The following IPO11 variants were observed in gnomAD, a reference collection of about 807,000 sequenced individuals.
IPO11 encodes importin 11.
IPO11 carries 66 observed loss-of-function variants against 143.2 expected under a neutral mutation model. That is an observed-to-expected ratio of 0.46 (90% CI 0.38 to 0.57). The LOEUF is 0.57. Among genes scored for constraint, IPO11 ranks in the 20% least tolerant of loss-of-function variants. IPO11 has a pLI of 0.00. For synonymous variants in IPO11, 385 were observed against 377.8 expected, an observed-to-expected ratio of 1.02 and a Z score of -0.22; for missense variants, 1,026 against 1,141.0, an observed-to-expected ratio of 0.90 and a Z score of 1.45.
chr5:62,497,255 AT>A (rs1285415765), intron 16 of IPO11, among the ~76,000 whole-genome samples: 1 of 152,172 alleles, frequency 6.6e-6, no homozygotes, highest in East Asian at 1.9e-4. Flanking sequence ...ATAGGCAAGA[AT>A]TTTGTCAATA....
chr5:62,586,766 A>ATAT (rs1474461126), intron 27 of IPO11, among the ~76,000 whole-genome samples: 140 of 76,072 alleles, frequency 1.8e-3, no homozygotes, highest in Non-Finnish European at 2.4e-3. Context: ...AAAAAAAAAA[A>ATAT]AAATATATAT....
chr5:62,514,132 C>T (rs1245626263), intron 19 of IPO11, among the ~76,000 whole-genome samples: 16 of 150,872 alleles, frequency 1.1e-4, no homozygotes, highest in African/African-American at 3.7e-4. Flanking sequence ...AGAGGGGCTC[C>T]TCACATCCCA....
intron 1 of IPO11, among the ~76,000 whole-genome samples, chr5:62,435,640 C>G (rs2112128226): frequency 6.6e-6 from 1 of 151,722 alleles, no homozygotes; most frequent in East Asian, 1.9e-4. Context: ...CTTTGGGTGG[C>G]CAAGGACCTG....
intron 20 of IPO11, among the ~76,000 whole-genome samples, chr5:62,523,354 A>T (rs1399196566): frequency 6.6e-6 from 1 of 152,216 alleles, no homozygotes; most frequent in Non-Finnish European, 1.5e-5. Flanking sequence ...TAGCAGGAAC[A>T]TAGAGTACAG....
intron 10 of IPO11, 40 bp downstream of exon 10, chr5:62,483,333 C>T: frequency 8.2e-7 from 1 of 1,226,290 alleles, no homozygotes; most frequent in Non-Finnish European, 1.1e-6. Context: ...TTATTTTAAT[C>T]TTAAGTGTGA....
At chr5:62,598,383 GCTTGCTTGCTTTCTTTCTTTCTTT>G (rs1370217472) in intron 28 of IPO11, among the ~76,000 whole-genome samples, 1 of 27,342 alleles carries the variant, frequency 3.7e-5, no homozygotes, top group East Asian at 1.0e-3. Flanking sequence ...TTGTTTGCTT[GCTTGCTTGCTTTCTTTCTTTCTTT>G]CTTTCTTTCT....
At chr5:62,490,303 C>G in intron 15 of IPO11, 83 bp downstream of exon 15, 1 of 832,838 alleles carries the variant, frequency 1.2e-6, no homozygotes, top group Non-Finnish European at 1.8e-6. Context: ...ATTAAAATGG[C>G]TTACAATTTA....
chr5:62,609,051 G>A (rs969723592), intron 29 of IPO11, among the ~76,000 whole-genome samples: 9 of 152,212 alleles, frequency 5.9e-5, no homozygotes, highest in Admixed American at 5.9e-4. Flanking sequence ...GTGTGATGTT[G>A]CAGCTAATGT....
intron 16 of IPO11, among the ~76,000 whole-genome samples, chr5:62,496,449 A>G (rs553258750): frequency 8.5e-4 from 130 of 152,236 alleles, no homozygotes; most frequent in African/African-American, 2.9e-3. Flanking sequence ...CTTGTTTTGC[A>G]TATGTTTTAT....
chr5:62,456,513 G>A (rs141171966), intron 5 of IPO11, among the ~76,000 whole-genome samples: 1 of 152,220 alleles, frequency 6.6e-6, no homozygotes, highest in South Asian at 2.1e-4. Context: ...GCATAGTGCA[G>A]TGGCACAAAC....
chr5:62,528,222 T>C (rs1384388608), intron 21 of IPO11, among the ~76,000 whole-genome samples: 1 of 152,190 alleles, frequency 6.6e-6, no homozygotes, highest in Non-Finnish European at 1.5e-5. Context: ...GAGGAGAATG[T>C]TTCCTAAAAG....
intron 5 of IPO11, among the ~76,000 whole-genome samples, chr5:62,452,358 C>G (rs1191491378): frequency 6.6e-6 from 1 of 151,212 alleles, no homozygotes; most frequent in Non-Finnish European, 1.5e-5. Context: ...TCATTTTAAG[C>G]TGGGCAGTGA....
At chr5:62,427,247 TTCTAACAAGCA>T (rs1743788795) in intron 1 of IPO11, among the ~76,000 whole-genome samples, 1 of 151,942 alleles carries the variant, frequency 6.6e-6, no homozygotes, top group Non-Finnish European at 1.5e-5. Context: ...CCAGATGCAT[TTCTAACAAGCA>T]GGAGTTTGCA....
intron 27 of IPO11, among the ~76,000 whole-genome samples, chr5:62,575,490 AT>A (rs1055279588): frequency 6.6e-6 from 1 of 151,912 alleles, no homozygotes; most frequent in African/African-American, 2.4e-5. Context: ...TTTTTCTCTT[AT>A]AACATTTTTA....
At chr5:62,591,527 G>A in intron 27 of IPO11, 50 bp from the exon 28 acceptor site, 1 of 1,036,974 alleles carries the variant, frequency 9.6e-7, no homozygotes, top group Non-Finnish European at 1.4e-6. Context: ...AAAACAAAAA[G>A]AATTAATCTA....
intron 27 of IPO11, among the ~76,000 whole-genome samples, chr5:62,578,186 A>G (rs1744393359): frequency 1.3e-5 from 2 of 152,116 alleles, no homozygotes; most frequent in African/African-American, 4.8e-5. Context: ...ACAACCAATT[A>G]GTGCGTTACT....
At chr5:62,543,777 T>C (rs1214567102) in intron 24 of IPO11, among the ~76,000 whole-genome samples, 7 of 152,288 alleles carry the variant, frequency 4.6e-5, no homozygotes, top group Non-Finnish European at 2.9e-5. Context: ...ATTGTGATGT[T>C]AGGGTGTCAA....
intron 5 of IPO11, among the ~76,000 whole-genome samples, chr5:62,457,037 G>A (rs866929317): frequency 1.3e-5 from 2 of 152,106 alleles, no homozygotes; most frequent in South Asian, 4.1e-4. Context: ...CCGAGATCAC[G>A]CCACTGCACT....
rs70981015 is a variant in IPO11, at chr5:62,470,816, C to CTTTTTTTT, written c.708+530_708+537dup. 2.6e-3 allele frequency among the ~76,000 whole-genome samples: 165 copies of CTTTTTTTT among 62,560 alleles called. 35 individuals carry two copies. Among genetic ancestry groups the CTTTTTTTT allele is most frequent in the East Asian group, 0.013 (18 of 1,418 alleles). The allele number at this position is 62,560 out of a possible 152,430, so 41.0% of individuals were successfully genotyped here. On this transcript the variant is annotated intron_variant, in intron 7 of 29. Coordinates refer to ENST00000325324, the MANE Select transcript of IPO11 (RefSeq NM_016338.5). ...TTCATTGTCTGTAGATAGCCATCTTCTTTTTTTTTTTTTTTTTTTTTTTTT... is the reference window on the plus strand; with the variant it reads ...TTCATTGTCTGTAGATAGCCATCTTCTTTTTTTTTTTTTTTTTTTTTTTTTTTTTTTTT...
Sources: allele counts gnomAD v4.1 joint callset (sites outside exome capture counted in the v4.1 genomes callset), GRCh38; gene constraint gnomAD v4.1.1; transcripts MANE v1.5; gene names NCBI Gene and HGNC (gene_info 2026-07-23, HGNC 2026-07-21).